Variants in PCK2 observed in about 807,000 individuals in gnomAD.
PCK2 encodes the protein phosphoenolpyruvate carboxykinase [GTP], mitochondrial.
PCK2 carries 56 observed loss-of-function variants against 65.9 expected under a neutral mutation model. The observed-to-expected ratio is 0.85, with a 90% CI of 0.69 to 1.06. The LOEUF is 1.06. PCK2 is among the 50% of genes least tolerant of loss of function. The pLI is 0.00. For synonymous variants in PCK2, 305 were observed against 319.6 expected (o/e 0.95, Z 0.49); for missense variants, 843 against 863.1 (o/e 0.98, Z 0.29).
Position 24,102,853 on chromosome 14 carries a change from C to T in PCK2, c.1335C>T (p.Pro445=). The T allele has an allele frequency of 1.2e-6, 2 of 1,613,970 alleles. No individual in the cohort carries two copies. The highest frequency in any genetic ancestry group is 2.2e-5 in the South Asian group (2 of 91,064). The change falls in exon 8 of 10, where the codon CCC becomes CCT. Residue 445 remains proline, a synonymous_variant. Transcript: ENST00000216780. The part of the protein sequence containing the change: ...DPAWEAPEGV[P]IDAIIFGGRR... ...CCTGGGAGGCCCCAGAGGGTGTCCC[C>T]ATTGACGCCATCATCTTTGGTGGCC...
intron 5 of PCK2, 32 bp downstream of exon 5, chr14:24,099,268 C>T (rs774218848): frequency 1.7e-5 from 26 of 1,571,418 alleles, no homozygotes; most frequent in South Asian, 5.6e-5. Flanking sequence ...GGGCAGCTGC[C>T]GGGGACAGGG....
In PCK2 at chr14:24,094,425, C is replaced by T. The variant is rs773529403; in HGVS notation, c.20C>T (p.Pro7Leu). 6.4e-7 allele frequency: 1 copy of T among 1,557,886 alleles called. No homozygotes were observed. Among genetic ancestry groups the T allele is most frequent in the Non-Finnish European group, 8.6e-7 (1 of 1,156,696 alleles). The change falls in exon 1 of 10, where the codon CCT (proline) becomes CTT (leucine). Residue 7 changes from proline (P) to leucine (L), a missense_variant. Pro to Leu is a moderately conservative substitution (Grantham distance 98). Transcript: ENST00000216780. This position sits in a 1 kb window ranked among gnomAD's most constrained non-coding sequence, Gnocchi z 4.1. MAALYR[P>L]GLRLNWHGLS... ...GGTGCCATGGCCGCATTGTACCGCC[C>T]TGGCCTGCGGTGAGTGACCCCCGGC...
Position 24,103,890 on chromosome 14 carries a change from C to A in PCK2, c.1849C>A (p.Gln617Lys). Residue 617 changes from glutamine (Q) to lysine (K), a missense_variant, in exon 10 of 10, where the codon CAG becomes AAG. Transcript: ENST00000216780. The stretch of plus-strand genomic sequence containing the variant: ...TGACATTCGGAGCTACCTGACAGAG[C>A]AGGTCAACCAGGATCTGCCCAAAGA... ...VRDIRSYLTEQVNQDLPKEVL... is the reference protein window; with the variant it reads ...VRDIRSYLTEKVNQDLPKEVL... 6.2e-7 allele frequency: 1 copy of A among 1,614,146 alleles called. No homozygotes were observed. The highest frequency in any genetic ancestry group is 8.5e-7 in the Non-Finnish European group (1 of 1,180,022).
In PCK2 at chr14:24,103,225, T is replaced by C. The variant is rs1158229809; in HGVS notation, c.1438T>C (p.Ser480Pro). ...HGVFVGSAMR[S>P]ESTAAAEHKG... ...GGTGTTTGTGGGCAGCGCCATGCGC[T>C]CTGAGTCCACTGCTGCAGCAGAACA... is the stretch of plus-strand genomic sequence containing the variant. The change falls in exon 9 of 10, where the codon TCT becomes CCT. Residue 480 changes from serine (S) to proline (P), a missense_variant. Physicochemically the swap from Ser to Pro is moderately conservative, Grantham distance 74. Transcript: ENST00000216780. 33 of 1,614,002 alleles carry C rather than the reference T, an allele frequency of 2.0e-5. No homozygotes were observed. The highest frequency in any genetic ancestry group is 2.4e-5 in the Non-Finnish European group (28 of 1,179,900).
chr14:24,103,383 T>C lies in PCK2; in HGVS notation c.1469-127T>C, dbSNP rs918033770. The C allele has an allele frequency of 3.5e-6, 4 of 1,158,400 alleles. No homozygotes were observed. The Admixed American group carries it at 8.1e-5, about 23-fold the overall frequency. The allele number at this position is 1,158,400 out of a possible 1,614,324, so 71.8% of individuals were successfully genotyped here. On this transcript the variant is annotated intron_variant, in intron 9 of 9. Coordinates refer to ENST00000216780, the MANE Select transcript of PCK2 (RefSeq NM_004563.4). ...ATGGCCCCACCTCTTCCCACTTCTATCTTTTCCCCATCCCTGAAGATATTC... is the reference window on the plus strand; with the variant it reads ...ATGGCCCCACCTCTTCCCACTTCTACCTTTTCCCCATCCCTGAAGATATTC...
In PCK2 at chr14:24,098,518, C is replaced by A; in HGVS notation, c.504C>A (p.Gly168=). 6.2e-7 allele frequency: 1 copy of A among 1,614,186 alleles called. No individual in the cohort carries two copies. Among genetic ancestry groups the A allele is most frequent in the Non-Finnish European group, 8.5e-7 (1 of 1,180,022 alleles). ...TTCCATTCAGCATGGGTCCTGTGGG[C>A]TCCCCGCTGTCCCGCATCGGGGTGC... ...YVLPFSMGPV[G]SPLSRIGVQL... The change falls in exon 4 of 10, where the codon GGC becomes GGA. Residue 168 remains glycine, a synonymous_variant. Transcript: ENST00000216780.
intron 9 of PCK2, 56 bp from the exon 10 acceptor site, chr14:24,103,454 C>T: frequency 7.0e-7 from 1 of 1,421,596 alleles, no homozygotes; most frequent in Non-Finnish European, 9.6e-7. Flanking sequence ...ATGCAGGGTG[C>T]CCTTCCCTAC....
chr14:24,097,388 TG>T (rs2036934985), intron 2 of PCK2, among the ~76,000 whole-genome samples: 2 of 127,398 alleles, frequency 1.6e-5, no homozygotes, highest in Non-Finnish European at 1.7e-5. Context: ...CCGTCTCTAC[TG>T]AAAAAAAAAA....
At position 24,098,206 on chromosome 14, in the gene PCK2, G is replaced by C; in HGVS notation, c.279G>C (p.Trp93Cys). Residue 93 changes from tryptophan (W) to cysteine (C), a missense_variant, in exon 3 of 10, where the codon TGG becomes TGC. Physicochemically the swap from Trp to Cys is radical, Grantham distance 215. Transcript: ENST00000216780. The stretch of plus-strand genomic sequence containing the variant: ...CTGACAATCCCCTCTCCCCCAGCTG[G>C]CTGGCCCGCACAGACCCCAAGGATG... ...IRKLPKYNNC[W>C]LARTDPKDVA... The C allele has an allele frequency of 1.3e-6, 2 of 1,593,666 alleles. No homozygotes were observed. The highest frequency in any genetic ancestry group is 1.3e-5 in the African/African-American group (1 of 74,562).
chr14:24,099,685 G>C lies in PCK2; in HGVS notation c.980G>C (p.Gly327Ala), dbSNP rs547509983. The change falls in exon 6 of 10, where the codon GGG becomes GCG. Residue 327 changes from glycine (G) to alanine (A), a missense_variant. Transcript: ENST00000216780. The part of the protein sequence containing the change: ...ALPGWKVECV[G>A]DDIAWMRFDS... ...CCAGGCTGGAAAGTGGAGTGTGTGGGGGATGATATTGCTTGGATGAGGTTT... is the reference window on the plus strand; with the variant it reads ...CCAGGCTGGAAAGTGGAGTGTGTGGCGGATGATATTGCTTGGATGAGGTTT... 3 of 1,614,140 alleles carry C rather than the reference G, an allele frequency of 1.9e-6. No individual in the cohort carries two copies. The South Asian group carries it at 3.3e-5, about 18-fold the overall frequency.
At chr14:24,095,269 C>T in intron 1 of PCK2, 1 of 453,906 alleles carries the variant, frequency 2.2e-6, no homozygotes, top group South Asian at 1.6e-5. Flanking sequence ...GGGGGCTTCA[C>T]AAGAGATAAC....
At position 24,099,201 on chromosome 14, in the gene PCK2, G is replaced by T. The variant is rs2037044730; in HGVS notation, c.817G>T (p.Ala273Ser). ...TGCCCTACGCATCGCCTCTCGGCTG[G>T]CCCGGGATGAGGGCTGGCTGGCAGA... ...CFALRIASRL[A>S]RDEGWLAEHM... is the part of the protein sequence containing the mutation. Residue 273 changes from alanine (A) to serine (S), a missense_variant, in exon 5 of 10, where the codon GCC becomes TCC. Ala to Ser is a moderately conservative substitution (Grantham distance 99). Transcript: ENST00000216780. The T allele has an allele frequency of 1.9e-6, 3 of 1,602,644 alleles. No individual in the cohort carries two copies. The highest frequency in any genetic ancestry group is 2.5e-6 in the Non-Finnish European group (3 of 1,177,602).
At chr14:24,102,675 A>C (rs1472326556) in intron 7 of PCK2, 78 bp from the exon 8 acceptor site, 18 of 1,262,578 alleles carry the variant, frequency 1.4e-5, no homozygotes, top group Non-Finnish European at 1.9e-5. Context: ...GAACCCTGCA[A>C]GAATGTGTGC....
chr14:24,100,612 A>AT, intron 7 of PCK2: 2 of 1,049,492 alleles, frequency 1.9e-6, no homozygotes, highest in Non-Finnish European at 2.3e-6. Flanking sequence ...ACTTTTGAAC[A>AT]TTCTTACAGA....
At chr14:24,095,806 T>A (rs560446736) in intron 1 of PCK2, among the ~76,000 whole-genome samples, 3 of 152,338 alleles carry the variant, frequency 2.0e-5, no homozygotes, top group Admixed American at 1.3e-4. Context: ...AACAGGACGC[T>A]GACCTCCTGA....
In PCK2 at chr14:24,099,550, A is replaced by G. The variant is rs45477394; in HGVS notation, c.853-8A>G. On this transcript the variant is annotated splice_polypyrimidine_tract_variant and splice_region_variant and intron_variant, in intron 5 of 9. Coordinates refer to ENST00000216780, the MANE Select transcript of PCK2 (RefSeq NM_004563.4). ...CTCTTTCTTATTCCCTCTCTCCCCAATGCACAGATCCTGGGCATCACCAGC... is the reference window on the plus strand; with the variant it reads ...CTCTTTCTTATTCCCTCTCTCCCCAGTGCACAGATCCTGGGCATCACCAGC... 337 of 1,577,868 alleles carry G rather than the reference A, an allele frequency of 2.1e-4. No individual in the cohort carries two copies. Among genetic ancestry groups the G allele is most frequent in the Admixed American group, 2.8e-4 (16 of 56,154 alleles).
upstream of PCK2, chr14:24,094,283 T>G: frequency 3.3e-5 from 32 of 961,198 alleles, no homozygotes; most frequent in Non-Finnish European, 4.7e-5. This position sits in a 1 kb window ranked among gnomAD's most constrained non-coding sequence, Gnocchi z 4.1. Flanking sequence ...CCCCCCTCCT[T>G]TTTAAGCGCC....
At position 24,099,184 on chromosome 14, in the gene PCK2, G is replaced by A. The variant is rs761133921; in HGVS notation, c.800G>A (p.Arg267His). 142 of 1,607,226 alleles carry A rather than the reference G, an allele frequency of 8.8e-5. 2 individuals carry two copies. In the East Asian group the frequency reaches 1.6e-3, roughly 18 times the overall value. ...CTGGGCAAGAAGTGCTTTGCCCTAC[G>A]CATCGCCTCTCGGCTGGCCCGGGAT... ...SLLGKKCFAL[R>H]IASRLARDEG... Residue 267 changes from arginine to histidine, a missense_variant, in exon 5 of 10, where the codon CGC (arginine) becomes CAC (histidine). Physicochemically the swap from Arg to His is conservative, Grantham distance 29 (BLOSUM62 0). Transcript: ENST00000216780.
At chr14:24,099,767 C>A (rs779115372) in intron 6 of PCK2, 47 bp downstream of exon 6, 21 of 1,570,190 alleles carry the variant, frequency 1.3e-5, no homozygotes, top group Non-Finnish European at 1.8e-5. Context: ...CTTGTCAGAG[C>A]CTCGGGGTCT....
Sources: gnomAD v4.1 joint callset for allele counts (sites outside exome capture counted in the v4.1 genomes callset) on GRCh38, gnomAD v4.1.1 for gene constraint, Gnocchi (gnomAD v3.1) non-coding constraint, MANE v1.5 for transcripts, NCBI Gene and HGNC (gene_info 2026-07-23, HGNC 2026-07-21) for gene names.